The following PTPRG variants were observed in gnomAD, a reference collection of about 807,000 sequenced individuals.
PTPRG encodes protein tyrosine phosphatase receptor type G, also known as receptor-type tyrosine-protein phosphatase gamma.
Under a neutral mutation model 165.3 loss-of-function variants are expected in PTPRG, and 102 were observed. The ratio of observed to expected loss-of-function variants is 0.62; its 90% CI spans 0.53 to 0.73. The LOEUF (loss-of-function observed/expected upper bound fraction) is 0.73, where lower values mean the gene tolerates loss of function less well. Ranked by LOEUF, PTPRG falls within the 30% of genes least tolerant of loss-of-function variation. The pLI is 0.00. For missense variants in PTPRG, 1,866 were observed against 1,861.4 expected (o/e 1.00, Z -0.05); for synonymous variants, 675 against 669.5 (o/e 1.01, Z -0.13).
intron 1 of PTPRG, among the ~76,000 whole-genome samples, chr3:61,681,420 G>T (rs898401889): frequency 3.3e-5 from 5 of 152,184 alleles, no homozygotes; most frequent in South Asian, 2.1e-4. Context: ...TTACAGTGGG[G>T]TATTGGTCTG....
chr3:62,028,218 A>AT (rs1487657596), intron 4 of PTPRG, among the ~76,000 whole-genome samples: 2 of 152,104 alleles, frequency 1.3e-5, no homozygotes, highest in South Asian at 2.1e-4. Flanking sequence ...AAAGGTATGC[A>AT]TTTTTTTGTC....
chr3:61,636,208 A>G (rs1701904117), intron 1 of PTPRG, among the ~76,000 whole-genome samples: 2 of 152,186 alleles, frequency 1.3e-5, no homozygotes, highest in African/African-American at 4.8e-5. Flanking sequence ...TAGAATTCAT[A>G]TAGTATACAG....
chr3:61,822,630 T>G (rs747371151), intron 2 of PTPRG, among the ~76,000 whole-genome samples: 4 of 151,998 alleles, frequency 2.6e-5, no homozygotes, highest in Non-Finnish European at 5.9e-5. Context: ...TCCTTTAGAG[T>G]GTTATATTTG....
chr3:62,261,746 G>A (rs149357576), intron 16 of PTPRG: 1 of 150,158 alleles, frequency 6.7e-6, no homozygotes, highest in East Asian at 2.0e-4. Flanking sequence ...TTTGAGTACA[G>A]TAACTTCCTC....
chr3:62,258,881 C>A (rs1701612515), intron 16 of PTPRG, among the ~76,000 whole-genome samples: 1 of 152,200 alleles, frequency 6.6e-6, no homozygotes, highest in South Asian at 2.1e-4. Context: ...CTTCCTTGGC[C>A]CCCACAAACA....
chr3:62,192,160 G>A (rs1699844542), intron 9 of PTPRG, among the ~76,000 whole-genome samples: 1 of 151,870 alleles, frequency 6.6e-6, no homozygotes, highest in African/African-American at 2.4e-5. Context: ...CATTTGTTCT[G>A]CCTTACACAT....
chr3:61,826,350 T>G (rs547201556), intron 2 of PTPRG, among the ~76,000 whole-genome samples: 1 of 152,314 alleles, frequency 6.6e-6, no homozygotes, highest in South Asian at 2.1e-4. Context: ...GCAGTGATGC[T>G]AAGTGGAACT....
intron 2 of PTPRG, among the ~76,000 whole-genome samples, chr3:61,882,426 A>G (rs944980512): frequency 1.3e-5 from 2 of 152,186 alleles, no homozygotes; most frequent in African/African-American, 4.8e-5. Flanking sequence ...AGCATTTACT[A>G]TGGAGTTGCT....
chr3:62,047,179 G>A (rs1014968344), intron 4 of PTPRG, among the ~76,000 whole-genome samples: 1 of 152,116 alleles, frequency 6.6e-6, no homozygotes, highest in Non-Finnish European at 1.5e-5. Flanking sequence ...GCCTTATGCT[G>A]TATTTGAAAG....
intron 1 of PTPRG, among the ~76,000 whole-genome samples, chr3:61,665,500 A>G (rs1702786709): frequency 6.6e-6 from 1 of 151,816 alleles, no homozygotes; most frequent in Non-Finnish European, 1.5e-5. Flanking sequence ...ACACACACAC[A>G]CACAGGCACA....
intron 5 of PTPRG, among the ~76,000 whole-genome samples, chr3:62,115,314 A>T (rs887995756): frequency 2.6e-5 from 4 of 152,204 alleles, no homozygotes; most frequent in Admixed American, 6.5e-5. Context: ...CACACATGAA[A>T]AAAACCCCTT....
At chr3:61,691,810 A>T (rs889592622) in intron 1 of PTPRG, among the ~76,000 whole-genome samples, 1 of 152,220 alleles carries the variant, frequency 6.6e-6, no homozygotes, top group East Asian at 1.9e-4. Context: ...TTAATATCAT[A>T]AAAAGCATAT....
intron 2 of PTPRG, among the ~76,000 whole-genome samples, chr3:61,890,356 G>A (rs2038174608): frequency 6.6e-6 from 1 of 150,402 alleles, no homozygotes; most frequent in Non-Finnish European, 1.5e-5. Context: ...ACTTTGCTGT[G>A]CAAGGCGATG....
intron 14 of PTPRG, among the ~76,000 whole-genome samples, chr3:62,235,482 C>G (rs1195000050): frequency 1.3e-5 from 2 of 152,202 alleles, no homozygotes; most frequent in Non-Finnish European, 2.9e-5. Flanking sequence ...GACCTTTTCT[C>G]TCCTATCTCC....
At chr3:62,107,267 T>C (rs1267805187) in intron 5 of PTPRG, among the ~76,000 whole-genome samples, 1 of 152,216 alleles carries the variant, frequency 6.6e-6, no homozygotes, top group Non-Finnish European at 1.5e-5. Flanking sequence ...AAATCACTCA[T>C]ACCATGAAGC....
intron 2 of PTPRG, among the ~76,000 whole-genome samples, chr3:61,797,886 G>A (rs1033958543): frequency 6.7e-6 from 1 of 150,148 alleles, no homozygotes; most frequent in African/African-American, 2.5e-5. Flanking sequence ...GGGACGAAAA[G>A]AGTGGGAGAG....
In PTPRG at chr3:61,938,022, C is replaced by T. The variant is rs577191453; in HGVS notation, c.191-51603C>T. Among the ~76,000 whole-genome samples the T allele has an allele frequency of 1.4e-4, 21 of 151,616 alleles. 1 individual carries two copies. The highest frequency in any genetic ancestry group is 6.8e-3 in the Middle Eastern group (2 of 294). On this transcript the variant is annotated intron_variant, in intron 2 of 29. Coordinates refer to ENST00000474889, the MANE Select transcript of PTPRG (RefSeq NM_002841.4). ...TTATTGGAATTTAAAACTATAATACCGACTTTTCCTTCAGTCTGGGCTTAA... is the reference window on the plus strand; with the variant it reads ...TTATTGGAATTTAAAACTATAATACTGACTTTTCCTTCAGTCTGGGCTTAA...
intron 1 of PTPRG, among the ~76,000 whole-genome samples, chr3:61,675,616 A>G (rs1180371531): frequency 1.3e-5 from 2 of 152,110 alleles, no homozygotes; most frequent in African/African-American, 2.4e-5. Flanking sequence ...AGGCAGTTGT[A>G]TGTCTTTTTT....
chr3:61,863,817 C>A (rs2037336070), intron 2 of PTPRG, among the ~76,000 whole-genome samples: 1 of 152,294 alleles, frequency 6.6e-6, no homozygotes, highest in Middle Eastern at 3.4e-3. Flanking sequence ...ATGTGCAGTT[C>A]AACCTTTTCC....
Sources: gnomAD v4.1 joint callset for allele counts (sites outside exome capture counted in the v4.1 genomes callset) on GRCh38, gnomAD v4.1.1 for gene constraint, MANE v1.5 for transcripts, NCBI Gene and HGNC (gene_info 2026-07-23, HGNC 2026-07-21) for gene names.